Variants in NR3C2 observed in about 807,000 individuals in gnomAD.
The protein encoded by NR3C2 is nuclear receptor subfamily 3 group C member 2.
Under a neutral mutation model 86.4 loss-of-function variants are expected in NR3C2, and 15 were observed. The ratio of observed to expected loss-of-function variants is 0.17; its 90% CI spans 0.12 to 0.27. NR3C2 has a LOEUF of 0.27. NR3C2 is among the 10% of genes least tolerant of loss of function. NR3C2 has a pLI of 1.00. For missense variants in NR3C2, 960 were observed against 1,195.6 expected (o/e 0.80, Z 2.91); for synonymous variants, 458 against 450.5 (o/e 1.02, Z -0.21).
At chr4:148,159,140 A>G (rs888655525) in intron 4 of NR3C2, among the ~76,000 whole-genome samples, 9 of 152,204 alleles carry the variant, frequency 5.9e-5, no homozygotes, top group Middle Eastern at 3.2e-3. Flanking sequence ...AAAGTGGGTA[A>G]TAATGTCTTA....
intron 2 of NR3C2, among the ~76,000 whole-genome samples, chr4:148,432,381 G>C (rs546316442): frequency 6.6e-6 from 1 of 152,012 alleles, no homozygotes; most frequent in Non-Finnish European, 1.5e-5. Context: ...GTTCCTTAAA[G>C]GTTAGTTTCA....
chr4:148,307,503 A>T (rs1240417457), intron 2 of NR3C2, among the ~76,000 whole-genome samples: 1 of 152,262 alleles, frequency 6.6e-6, no homozygotes, highest in East Asian at 1.9e-4. Flanking sequence ...TGTATGCATG[A>T]CACAGAGCAA....
chr4:148,206,984 T>G (rs1579012194), intron 3 of NR3C2, among the ~76,000 whole-genome samples: 1 of 152,134 alleles, frequency 6.6e-6, no homozygotes, highest in South Asian at 2.1e-4. Context: ...TACAGTGGCA[T>G]GATCACAGCT....
chr4:148,269,798 T>C (rs1470583646), intron 2 of NR3C2, among the ~76,000 whole-genome samples: 1 of 152,260 alleles, frequency 6.6e-6, no homozygotes, highest in East Asian at 1.9e-4. Flanking sequence ...CTGCCTCATC[T>C]GTAGATCAGT....
chr4:148,154,544 A>G lies in NR3C2; in HGVS notation c.2365+7T>C. Reference sequence around the variant, plus strand: ...GATGCAGCCTGTGAAAGGAGAGGCAATCCTACCTGGAAGTACCTTTGCCCA... The same window carrying G: ...GATGCAGCCTGTGAAAGGAGAGGCAGTCCTACCTGGAAGTACCTTTGCCCA... On this transcript the variant is annotated splice_region_variant and intron_variant, in intron 5 of 8. Coordinates refer to ENST00000358102, the MANE Select transcript of NR3C2 (RefSeq NM_000901.5). 1.9e-6 allele frequency: 3 copies of G among 1,613,812 alleles called. No homozygotes were observed. Among genetic ancestry groups the G allele is most frequent in the Non-Finnish European group, 1.7e-6 (2 of 1,179,756 alleles).
At chr4:148,228,934 G>A (rs1487005494) in intron 3 of NR3C2, among the ~76,000 whole-genome samples, 1 of 152,162 alleles carries the variant, frequency 6.6e-6, no homozygotes, top group African/African-American at 2.4e-5. Context: ...GCAAACTCCT[G>A]TATGATGCCT....
At chr4:148,367,799 A>C (rs1425962189) in intron 2 of NR3C2, among the ~76,000 whole-genome samples, 1 of 152,084 alleles carries the variant, frequency 6.6e-6, no homozygotes, top group Non-Finnish European at 1.5e-5. Flanking sequence ...AATTTAAAAA[A>C]AAAAACATTG....
At chr4:148,190,253 T>G (rs1478465329) in intron 4 of NR3C2, among the ~76,000 whole-genome samples, 1 of 152,186 alleles carries the variant, frequency 6.6e-6, no homozygotes, top group Non-Finnish European at 1.5e-5. Context: ...TCAATTCAGT[T>G]TGAAGAATTT....
rs372241792 is a variant in NR3C2 at position 148,184,351 on chromosome 4, C to T, written c.2014+10395G>A. Among the ~76,000 whole-genome samples, 161 of 150,672 alleles carry T rather than the reference C, an allele frequency of 1.1e-3. 2 individuals are homozygous for T. Among genetic ancestry groups the T allele is most frequent in the Middle Eastern group, 3.5e-3 (1 of 282 alleles). ...GCGGGCACCTGTAATCTCAGCTACT[C>T]GGGAGGCTGAGGCAGGAGAATCGCT... On this transcript the variant is annotated intron_variant, in intron 4 of 8. Transcript: ENST00000358102.
At chr4:148,136,864 C>G (rs1376437074) in intron 6 of NR3C2, among the ~76,000 whole-genome samples, 1 of 152,152 alleles carries the variant, frequency 6.6e-6, no homozygotes. Context: ...ACCATTTATG[C>G]ATTTAGGTCT....
chr4:148,413,337 C>A (rs1021340137), intron 2 of NR3C2, among the ~76,000 whole-genome samples: 3 of 152,014 alleles, frequency 2.0e-5, no homozygotes, highest in Non-Finnish European at 4.4e-5. Flanking sequence ...ATTCTTTTAT[C>A]CACTACTACA....
chr4:148,092,866 C>G (rs1459193881), intron 8 of NR3C2, among the ~76,000 whole-genome samples: 1 of 152,160 alleles, frequency 6.6e-6, no homozygotes, highest in Non-Finnish European at 1.5e-5. Flanking sequence ...AGCCAAAGCT[C>G]TACCTTTACT....
chr4:148,090,690 T>G (rs897270372), intron 8 of NR3C2, among the ~76,000 whole-genome samples: 3 of 152,126 alleles, frequency 2.0e-5, no homozygotes, highest in African/African-American at 7.2e-5. Flanking sequence ...GGGCTGGGGT[T>G]AAGGGCTTGG....
upstream of NR3C2, among the ~76,000 whole-genome samples, chr4:148,445,260 G>A (rs923334842): frequency 3.3e-5 from 5 of 151,890 alleles, no homozygotes; most frequent in Non-Finnish European, 5.9e-5. Flanking sequence ...TGGGGACCTC[G>A]CGCGGGGGGC....
In NR3C2 at chr4:148,438,657, T is replaced by C. The variant is rs146672364; in HGVS notation, c.-2-1795A>G. Among the ~76,000 whole-genome samples the C allele has an allele frequency of 1.3e-4, 20 of 152,292 alleles. No homozygotes were observed. The East Asian group carries it at 3.7e-3, about 28-fold the overall frequency. On this transcript the variant is annotated intron_variant, in intron 1 of 8. Coordinates refer to ENST00000358102, the MANE Select transcript of NR3C2 (RefSeq NM_000901.5). ...TTTTGTTACAGAATATGTATTAACA[T>C]TGAAAAATAATGCTACTAAATAAAT... is the stretch of plus-strand genomic sequence containing the variant.
chr4:148,111,149 A>G (rs939594200), intron 8 of NR3C2, among the ~76,000 whole-genome samples: 5 of 152,258 alleles, frequency 3.3e-5, no homozygotes, highest in Admixed American at 6.5e-5. Flanking sequence ...AAAACAAATT[A>G]TCCAATTATG....
At chr4:148,321,397 CT>C (rs1311830170) in intron 2 of NR3C2, among the ~76,000 whole-genome samples, 1 of 151,398 alleles carries the variant, frequency 6.6e-6, no homozygotes, top group Non-Finnish European at 1.5e-5. Flanking sequence ...ATTAGGTCCG[CT>C]TGGTGCAGAG....
At chr4:148,255,493 G>A (rs750846430) in intron 3 of NR3C2, among the ~76,000 whole-genome samples, 5 of 152,150 alleles carry the variant, frequency 3.3e-5, no homozygotes, top group South Asian at 2.1e-4. Flanking sequence ...TTCCTTCAAG[G>A]GAAATGTGTG....
intron 3 of NR3C2, among the ~76,000 whole-genome samples, chr4:148,230,441 C>T (rs1232128114): frequency 6.6e-6 from 1 of 152,138 alleles, no homozygotes; most frequent in Non-Finnish European, 1.5e-5. Flanking sequence ...AAGTCGTCTG[C>T]CCACCTCAGC....
Sources: allele counts gnomAD v4.1 joint callset (sites outside exome capture counted in the v4.1 genomes callset), GRCh38; gene constraint gnomAD v4.1.1; transcripts MANE v1.5; gene names NCBI Gene and HGNC (gene_info 2026-07-23, HGNC 2026-07-21).